Variants in ATP2B3 observed in about 807,000 individuals in gnomAD.
The protein encoded by ATP2B3 is ATPase plasma membrane Ca2+ transporting 3, also known as plasma membrane calcium-transporting ATPase 3.
ATP2B3 carries 12 observed loss-of-function variants against 70.8 expected under a neutral mutation model. The observed-to-expected ratio is 0.17, with a 90% CI of 0.11 to 0.27. ATP2B3 has a LOEUF of 0.27. Among genes scored for constraint, ATP2B3 ranks in the 10% least tolerant of loss-of-function variants. The probability of loss-of-function intolerance (pLI) is 1.00; values close to 1 mark genes in which losing one functional copy is unlikely to be tolerated. For missense variants in ATP2B3, 858 were observed against 1,118.5 expected (o/e 0.77, Z 3.32); for synonymous variants, 460 against 497.8 (o/e 0.92, Z 1.01).
chrX:153,564,770 C>T, intron 20 of ATP2B3, 151 bp from the exon 21 acceptor site: 1 of 566,368 alleles, frequency 1.8e-6, no homozygotes, highest in South Asian at 4.3e-5. Context: ...CCCGGGGGGA[C>T]TGCTCTAGCT....
At chrX:153,567,615 CTGTA>C (rs1357743708) in intron 21 of ATP2B3, among the ~76,000 whole-genome samples, 1 of 112,946 alleles carries the variant, frequency 8.9e-6, no homozygotes, top group Non-Finnish European at 1.9e-5. Flanking sequence ...CTCGTGTCCT[CTGTA>C]TGTGGGGGCC....
Position 153,582,618 on chromosome X carries a change from A to G in ATP2B3, c.*2320A>G, listed in dbSNP as rs1451175150. On this transcript the variant is annotated 3_prime_UTR_variant, in exon 22 of 22. Coordinates refer to ENST00000263519, the MANE Select transcript of ATP2B3 (RefSeq NM_001001344.3). ...AGGTCACCTTTGTGCTGTGCTGTGG[A>G]GTTCAGAAACGGGGTACCATGACCT... 1 of 112,634 alleles carries G rather than the reference A, an allele frequency of 8.9e-6. No homozygotes were observed. Among genetic ancestry groups the G allele is most frequent in the Non-Finnish European group, 1.9e-5 (1 of 53,286 alleles). 9.3% of individuals were successfully genotyped at this position (112,634 alleles called of 1,213,427 possible). A position where few individuals can be genotyped will look rare whatever the true frequency, so the allele number is the denominator to read the frequency against.
At chrX:153,543,874 C>T (rs1006591812) in intron 7 of ATP2B3, among the ~76,000 whole-genome samples, 3 of 111,490 alleles carry the variant, frequency 2.7e-5, no homozygotes, top group Non-Finnish European at 5.7e-5. Context: ...GGGAGCCACA[C>T]CCGCATGGGA....
chrX:153,571,547 G>A (rs1027603425), intron 21 of ATP2B3, among the ~76,000 whole-genome samples: 12 of 112,145 alleles, frequency 1.1e-4, no homozygotes, highest in African/African-American at 3.6e-4. Context: ...GGGGCCTGCT[G>A]TCTTTTCTCC....
In ATP2B3 at chrX:153,521,651, G is replaced by A. The variant is rs1479661876; in HGVS notation, c.-127+3100G>A. Among the ~76,000 whole-genome samples the A allele has an allele frequency of 3.6e-5, 4 of 111,921 alleles. No homozygotes were observed. The East Asian group carries it at 1.1e-3, about 31-fold the overall frequency. On this transcript the variant is annotated intron_variant, in intron 2 of 21. Coordinates refer to ENST00000263519, the MANE Select transcript of ATP2B3 (RefSeq NM_001001344.3). ...CCAGCCTCTCTTGTTCTGTAGGTGG[G>A]TCTCTCAGTAAGCGAGCAACCATTT...
chrX:153,526,799 T>C (rs73633645), intron 2 of ATP2B3, among the ~76,000 whole-genome samples: 1,562 of 112,047 alleles, frequency 0.014, 21 homozygotes, highest in African/African-American at 0.048. Flanking sequence ...CCATCTTCAG[T>C]TGGAGCCCCC....
In ATP2B3 at chrX:153,565,013, C is replaced by G. The variant is rs1557017649; in HGVS notation, c.3252C>G (p.Ala1084=). The change falls in exon 21 of 22, where the codon GCC becomes GCG. Residue 1084 remains alanine (A), a synonymous_variant. Coordinates refer to ENST00000263519, the MANE Select transcript of ATP2B3 (RefSeq NM_001001344.3). ...GKDEMTDEEL[A]EGEEEIDHAE... ...ACGAGATGACCGACGAGGAGCTGGC[C>G]GAAGGCGAGGAAGAGATCGACCATG... The G allele has an allele frequency of 8.3e-7, 1 of 1,200,862 alleles. No individual in the cohort carries two copies. The highest frequency in any genetic ancestry group is 2.2e-5 in the Admixed American group (1 of 44,884).
chrX:153,564,878 G>T (rs1557017534), intron 20 of ATP2B3, 43 bp from the exon 21 acceptor site: 2 of 1,115,717 alleles, frequency 1.8e-6, no homozygotes, highest in South Asian at 4.3e-5. Flanking sequence ...GGCAGATGCT[G>T]CTCAGCCTGG....
In ATP2B3 at chrX:153,546,145, G is replaced by C. The variant is rs782006936; in HGVS notation, c.958+16G>C. 2.5e-6 allele frequency: 3 copies of C among 1,210,706 alleles called. No homozygotes were observed. Among genetic ancestry groups the C allele is most frequent in the Non-Finnish European group, 3.4e-6 (3 of 894,974 alleles). ...CAGACCAAAGGTAACGGGCGCCGCTGCTTGGGCACAACAAGCTTGGAGCCC... is the reference window on the plus strand; with the variant it reads ...CAGACCAAAGGTAACGGGCGCCGCTCCTTGGGCACAACAAGCTTGGAGCCC... On this transcript the variant is annotated intron_variant, in intron 8 of 21. Coordinates refer to ENST00000263519, the MANE Select transcript of ATP2B3 (RefSeq NM_001001344.3).
intron 5 of ATP2B3, 79 bp from the exon 6 acceptor site, chrX:153,542,244 A>G: frequency 8.5e-7 from 1 of 1,176,965 alleles, no homozygotes; most frequent in Non-Finnish European, 1.1e-6. Context: ...CAGGCGGCCC[A>G]TGGCACCTGA....
chrX:153,543,655 G>A (rs782597078), intron 7 of ATP2B3, among the ~76,000 whole-genome samples: 8 of 113,024 alleles, frequency 7.1e-5, no homozygotes, highest in African/African-American at 1.3e-4. Flanking sequence ...AGGCAAGCCC[G>A]AGCCAGGAGG....
In ATP2B3 at chrX:153,580,168, C is replaced by T; in HGVS notation, c.3533C>T (p.Ser1178Phe). The change falls in exon 22 of 22, where the codon TCC (serine) becomes TTC (phenylalanine). Residue 1178 changes from serine to phenylalanine, a missense_variant. Physicochemically the swap from Ser to Phe is radical, Grantham distance 155. Coordinates refer to ENST00000263519, the MANE Select transcript of ATP2B3 (RefSeq NM_001001344.3). ...CGCCTCCGGGCCCCCCCGCCCCCGT[C>T]CCCCAACCAGAACAACAACGCCATA... ...EERLRAPPPPSPNQNNNAIDS... is the reference protein window; with the variant it reads ...EERLRAPPPPFPNQNNNAIDS... The T allele has an allele frequency of 1.0e-6, 1 of 983,393 alleles. No homozygotes were observed. Among genetic ancestry groups the T allele is most frequent in the Non-Finnish European group, 1.4e-6 (1 of 696,116 alleles). 81.0% of individuals were successfully genotyped at this position (983,393 alleles called of 1,213,427 possible).
intron 6 of ATP2B3, among the ~76,000 whole-genome samples, chrX:153,542,700 G>A (rs782410879): frequency 9.7e-5 from 11 of 113,430 alleles, no homozygotes; most frequent in South Asian, 7.1e-4. Context: ...AGCCCCAAGC[G>A]GAGAGGCTTG....
intron 2 of ATP2B3, among the ~76,000 whole-genome samples, chrX:153,522,924 A>G (rs1556998338): frequency 1.8e-5 from 2 of 109,210 alleles, no homozygotes. Flanking sequence ...ATTTCTTCCT[A>G]TTTAAAAACA....
At chrX:153,550,372 C>T (rs1203158765) in intron 12 of ATP2B3, 86 bp downstream of exon 12, 2 of 1,156,517 alleles carry the variant, frequency 1.7e-6, no homozygotes, top group Non-Finnish European at 2.3e-6. Context: ...GTAAAATTCA[C>T]CATTTCAACC....
In ATP2B3 at chrX:153,543,096, A is replaced by C. The variant is rs782282209; in HGVS notation, c.844A>C (p.Asn282His). Residue 282 changes from asparagine (N) to histidine (H), a missense_variant, in exon 7 of 22, where the codon AAT (asparagine) becomes CAT (histidine). Transcript: ENST00000263519. ...GRMVVTAVGV[N>H]SQTGIIFTLL... ...AATGGTGGTGACCGCCGTTGGCGTG[A>C]ATTCCCAGACAGGCATCATCTTCAC... 21 of 1,211,227 alleles carry C rather than the reference A, an allele frequency of 1.7e-5. No individual in the cohort carries two copies. In the East Asian group the frequency reaches 6.2e-4, roughly 36 times the overall value.
At position 153,543,174 on chromosome X, in the gene ATP2B3, G is replaced by A. The variant is rs200460146; in HGVS notation, c.916+6G>A. 24 of 1,203,993 alleles carry A rather than the reference G, an allele frequency of 2.0e-5. No individual in the cohort carries two copies. Among genetic ancestry groups the A allele is most frequent in the African/African-American group, 5.2e-5 (3 of 57,461 alleles). ...AGAGAAGAAAGATAAGAAAGGTAGC[G>A]CAGCAGTGCCGCCAGTCCCTGGTGC... On this transcript the variant is annotated splice_donor_region_variant and intron_variant, in intron 7 of 21. Coordinates refer to ENST00000263519, the MANE Select transcript of ATP2B3 (RefSeq NM_001001344.3).
chrX:153,531,496 G>C (rs1037230658), intron 2 of ATP2B3, among the ~76,000 whole-genome samples: 10 of 113,294 alleles, frequency 8.8e-5, no homozygotes, highest in Admixed American at 2.8e-4. Context: ...GCCCTTGCTT[G>C]GTGGGTCTGT....
In ATP2B3 at chrX:153,555,923, G is replaced by T; in HGVS notation, c.2059-126G>T. On this transcript the variant is annotated intron_variant, in intron 13 of 21. Coordinates refer to ENST00000263519, the MANE Select transcript of ATP2B3 (RefSeq NM_001001344.3). ...ACAAGTGTTCTGAGCACGTGAATCG[G>T]ATGGCTTTACTCTCACCTCTGCTGG... 3.9e-6 allele frequency: 3 copies of T among 761,522 alleles called. No individual in the cohort carries two copies. The South Asian group carries it at 7.3e-5, about 19-fold the overall frequency. 62.8% of individuals were successfully genotyped at this position (761,522 alleles called of 1,213,427 possible). A position where few individuals can be genotyped will look rare whatever the true frequency, so the allele number is the denominator to read the frequency against.
Sources: gnomAD v4.1 joint callset for allele counts (sites outside exome capture counted in the v4.1 genomes callset) on GRCh38, gnomAD v4.1.1 for gene constraint, MANE v1.5 for transcripts, NCBI Gene and HGNC (gene_info 2026-07-23, HGNC 2026-07-21) for gene names.